Variants in CFAP69 observed in about 807,000 individuals in gnomAD.
CFAP69 encodes cilia and flagella associated protein 69.
Under a neutral mutation model 123.0 loss-of-function variants are expected in CFAP69, and 92 were observed. The observed-to-expected ratio is 0.75, with a 90% CI of 0.63 to 0.89. The LOEUF (loss-of-function observed/expected upper bound fraction) is 0.89, where lower values mean the gene tolerates loss of function less well. CFAP69 is among the 40% of genes least tolerant of loss of function. CFAP69 has a pLI of 0.00. For missense variants in CFAP69, 1,067 were observed against 1,096.9 expected (o/e 0.97, Z 0.39); for synonymous variants, 380 against 364.3 (o/e 1.04, Z -0.49).
At chr7:90,252,194 G>A (rs1475026721) in intron 1 of CFAP69, among the ~76,000 whole-genome samples, 1 of 151,648 alleles carries the variant, frequency 6.6e-6, no homozygotes, top group East Asian at 1.9e-4. Flanking sequence ...AGAAAAGACA[G>A]CTGAGGTAGT....
intron 3 of CFAP69, among the ~76,000 whole-genome samples, chr7:90,258,578 G>A (rs559356747): frequency 4.6e-4 from 70 of 152,050 alleles, no homozygotes; most frequent in Middle Eastern, 6.8e-3. Context: ...GGCCCACCTG[G>A]ATAATCTAGT....
intron 4 of CFAP69, among the ~76,000 whole-genome samples, chr7:90,263,408 A>C (rs1798603729): frequency 6.6e-6 from 1 of 152,190 alleles, no homozygotes; most frequent in African/African-American, 2.4e-5. Flanking sequence ...TTGGCCTCCA[A>C]GTAGTATGGT....
chr7:90,278,519 T>C (rs1383760850), intron 11 of CFAP69, among the ~76,000 whole-genome samples: 1 of 152,108 alleles, frequency 6.6e-6, no homozygotes. Context: ...TAAAGTATGG[T>C]TTATTATTCC....
At chr7:90,290,004 T>A (rs1217465374) in intron 15 of CFAP69, among the ~76,000 whole-genome samples, 1 of 152,176 alleles carries the variant, frequency 6.6e-6, no homozygotes, top group Admixed American at 6.5e-5. Flanking sequence ...ATTTTAATAA[T>A]TAGGTCTTGA....
chr7:90,274,701 C>T (rs1257959302), intron 9 of CFAP69, among the ~76,000 whole-genome samples: 1 of 152,068 alleles, frequency 6.6e-6, no homozygotes, highest in African/African-American at 2.4e-5. Context: ...TCGTTATTCC[C>T]CTATGTATAA....
At chr7:90,293,564 C>T (rs2117238927) in intron 15 of CFAP69, among the ~76,000 whole-genome samples, 2 of 152,214 alleles carry the variant, frequency 1.3e-5, no homozygotes, top group Middle Eastern at 3.4e-3. Context: ...TGTAAAATAC[C>T]CTTTAATGTA....
intron 15 of CFAP69, among the ~76,000 whole-genome samples, chr7:90,290,758 T>G (rs555181461): frequency 1.2e-4 from 1 of 8,384 alleles, no homozygotes; most frequent in South Asian, 5.0e-3. Flanking sequence ...TTCTTTTCTT[T>G]TCTTTTCTTT....
intron 1 of CFAP69, among the ~76,000 whole-genome samples, chr7:90,253,257 C>A (rs1321784268): frequency 1.3e-5 from 2 of 152,194 alleles, no homozygotes; most frequent in Non-Finnish European, 2.9e-5. Context: ...CATTAACCCC[C>A]AAGATAAATA....
rs1403885905 is a variant in CFAP69 at position 90,274,111 on chromosome 7, G to GTT, written c.984+2_984+3insTT. The GTT allele has an allele frequency of 6.3e-7, 1 of 1,594,406 alleles. No homozygotes were observed. The highest frequency in any genetic ancestry group is 8.5e-7 in the Non-Finnish European group (1 of 1,173,998). On this transcript the variant is annotated splice_donor_variant, in intron 9 of 22. Coordinates refer to ENST00000389297, the MANE Select transcript of CFAP69 (RefSeq NM_001039706.3). LOFTEE classifies it high-confidence loss of function. The stretch of plus-strand genomic sequence containing the variant: ...TCAAAATCCTGAAGCACCAATGATT[G>GTT]TAAGTATGAATCAAATTGCATTAAT...
chr7:90,245,358 C>A lies in CFAP69; in HGVS notation c.-67C>A. Reference sequence around the variant, plus strand: ...TTCTCGGTGGCGGGGCCTCTTTGGGCCCAGCGGCTGCGGGCGCACTGTAGG... The same window carrying A: ...TTCTCGGTGGCGGGGCCTCTTTGGGACCAGCGGCTGCGGGCGCACTGTAGG... On this transcript the variant is annotated 5_prime_UTR_variant, in exon 1 of 23. Transcript: ENST00000389297. 2 of 1,439,816 alleles carry A rather than the reference C, an allele frequency of 1.4e-6. No homozygotes were observed. The highest frequency in any genetic ancestry group is 2.9e-5 in the Admixed American group (1 of 34,702). 89.2% of individuals were successfully genotyped at this position (1,439,816 alleles called of 1,614,324 possible).
At chr7:90,294,166 A>G (rs1298350707) in intron 15 of CFAP69, among the ~76,000 whole-genome samples, 1 of 152,186 alleles carries the variant, frequency 6.6e-6, no homozygotes, top group African/African-American at 2.4e-5. Flanking sequence ...AGCCCTATCT[A>G]CAATCTAATG....
Position 90,282,974 on chromosome 7 carries a change from A to G in CFAP69, c.1455A>G (p.Arg485=), listed in dbSNP as rs1789714717. 2 of 1,600,904 alleles carry G rather than the reference A, an allele frequency of 1.2e-6. No homozygotes were observed. The highest frequency in any genetic ancestry group is 1.3e-5 in the African/African-American group (1 of 74,124). Residue 485 remains arginine (R), a synonymous_variant, in exon 13 of 23, where the codon AGA becomes AGG. Transcript: ENST00000389297. ...NKFAQMRYSL[R]LLRAVVYLED... ...TTGCCCAGATGCGTTACAGTTTAAGACTCCTGAGAGCCGTGGTCTACCTTG... is the reference window on the plus strand; with the variant it reads ...TTGCCCAGATGCGTTACAGTTTAAGGCTCCTGAGAGCCGTGGTCTACCTTG...
At chr7:90,296,325 ATTG>A (rs141962246) in intron 15 of CFAP69, among the ~76,000 whole-genome samples, 4 of 150,424 alleles carry the variant, frequency 2.7e-5, no homozygotes, top group South Asian at 2.1e-4. Context: ...TTTTGTTGTT[ATTG>A]TTGTTGTTGT....
chr7:90,285,392 C>A (rs184668749), intron 13 of CFAP69, among the ~76,000 whole-genome samples: 1 of 152,126 alleles, frequency 6.6e-6, no homozygotes, highest in African/African-American at 2.4e-5. Flanking sequence ...GCCAGTTACC[C>A]CTTTAACCGA....
the CFAP69 span, chr7:90,318,571 C>T: frequency 6.6e-6 from 1 of 151,912 alleles, no homozygotes; most frequent in Non-Finnish European, 1.5e-5. Context: ...ATATAAGATA[C>T]CTTATAAAAT....
At chr7:90,259,431 C>T (rs369405959) in intron 3 of CFAP69, among the ~76,000 whole-genome samples, 1 of 152,038 alleles carries the variant, frequency 6.6e-6, no homozygotes. Context: ...ACAAACACTA[C>T]CTTTGGATAA....
At chr7:90,308,533 A>G in intron 21 of CFAP69, among the ~76,000 whole-genome samples, 1 of 152,148 alleles carries the variant, frequency 6.6e-6, no homozygotes, top group East Asian at 1.9e-4. Flanking sequence ...ATGTTTCAAT[A>G]CTTCCTATAG....
intron 15 of CFAP69, among the ~76,000 whole-genome samples, chr7:90,292,318 GCC>G (rs1316341437): frequency 6.6e-6 from 1 of 152,044 alleles, no homozygotes; most frequent in Non-Finnish European, 1.5e-5. Flanking sequence ...GGGCTCCTGG[GCC>G]TGTCAGAAAG....
intron 1 of CFAP69, among the ~76,000 whole-genome samples, chr7:90,248,270 G>GTTTTAA (rs1796562108): frequency 6.6e-6 from 1 of 152,120 alleles, no homozygotes; most frequent in Admixed American, 6.5e-5. Flanking sequence ...GAACCTTTCA[G>GTTTTAA]TTACCCTAAC....
Sources: allele counts gnomAD v4.1 joint callset (sites outside exome capture counted in the v4.1 genomes callset), GRCh38; gene constraint gnomAD v4.1.1; transcripts MANE v1.5; gene names NCBI Gene and HGNC (gene_info 2026-07-23, HGNC 2026-07-21).